The following LY96 variants were observed in gnomAD, a reference collection of about 807,000 sequenced individuals.
The protein encoded by LY96 is myeloid differentiation protein-2.
LY96 carries 18 observed loss-of-function variants against 18.9 expected under a neutral mutation model. The ratio of observed to expected loss-of-function variants is 0.95; its 90% CI spans 0.66 to 1.41. The LOEUF is 1.41. LY96 is among the 40% of genes most tolerant of loss of function. The probability of loss-of-function intolerance (pLI) is 0.00; values close to 1 mark genes in which losing one functional copy is unlikely to be tolerated. For missense variants in LY96, 175 were observed against 182.4 expected (o/e 0.96, Z 0.23); for synonymous variants, 66 against 62.6 (o/e 1.06, Z -0.26).
chr8:74,020,737 A>G (rs1294681681), intron 3 of LY96, among the ~76,000 whole-genome samples: 7 of 152,190 alleles, frequency 4.6e-5, no homozygotes, highest in African/African-American at 1.7e-4. Context: ...GACCAATGGA[A>G]TAGAACAGAG....
the LY96 span, among the ~76,000 whole-genome samples, chr8:74,073,261 G>A: frequency 6.6e-6 from 1 of 152,218 alleles, no homozygotes; most frequent in Non-Finnish European, 1.5e-5. Flanking sequence ...GGGGAAGGCA[G>A]AGCAGTTGCA....
chr8:74,045,526 C>T, the LY96 span, among the ~76,000 whole-genome samples: 1 of 152,192 alleles, frequency 6.6e-6, no homozygotes. Context: ...GGTATTATTA[C>T]TGTGTCAGTC....
chr8:74,067,186 C>T, the LY96 span, among the ~76,000 whole-genome samples: 25 of 152,292 alleles, frequency 1.6e-4, no homozygotes, highest in African/African-American at 6.0e-4. Flanking sequence ...ACAGCCCTCC[C>T]TTCTTAACTT....
the LY96 span, among the ~76,000 whole-genome samples, chr8:74,062,449 CG>C: frequency 6.6e-6 from 1 of 151,806 alleles, no homozygotes; most frequent in East Asian, 1.9e-4. Context: ...CCTGTGTCCA[CG>C]TGTTCTCAAT....
At chr8:73,996,385 CTTTCTTTCTTTCTTTCTTTCTTT>C (rs1816141450) in intron 1 of LY96, among the ~76,000 whole-genome samples, 15 of 41,288 alleles carry the variant, frequency 3.6e-4, no homozygotes, top group Non-Finnish European at 4.7e-4. Context: ...TTCTTTCTTT[CTTTCTTTCTTTCTTTCTTTCTTT>C]CTTTCTTTCT....
chr8:74,060,672 G>A, the LY96 span, among the ~76,000 whole-genome samples: 8 of 152,218 alleles, frequency 5.3e-5, no homozygotes, highest in African/African-American at 1.7e-4. Flanking sequence ...TCTTTGCTGT[G>A]CAAATCTAGA....
At chr8:74,042,813 T>C in the LY96 span, among the ~76,000 whole-genome samples, 2 of 151,658 alleles carry the variant, frequency 1.3e-5, no homozygotes, top group Non-Finnish European at 2.9e-5. Flanking sequence ...AGTCTTGCTC[T>C]CTTGCCAGGC....
chr8:74,065,285 A>G, the LY96 span, among the ~76,000 whole-genome samples: 11 of 152,324 alleles, frequency 7.2e-5, no homozygotes, highest in African/African-American at 2.6e-4. Flanking sequence ...AGACATTCTC[A>G]GGACCTTTTG....
the LY96 span, among the ~76,000 whole-genome samples, chr8:74,080,442 G>A: frequency 1.3e-5 from 2 of 152,292 alleles, no homozygotes; most frequent in East Asian, 3.9e-4. Context: ...GAGGTGCCAG[G>A]AATCAGGCTT....
Position 74,026,843 on chromosome 8 carries a change from T to C in LY96, c.384+2T>C. 6.8e-7 allele frequency: 1 copy of C among 1,461,306 alleles called. No individual in the cohort carries two copies. Among genetic ancestry groups the C allele is most frequent in the Non-Finnish European group, 9.6e-7 (1 of 1,042,234 alleles). 90.5% of individuals were successfully genotyped at this position (1,461,306 alleles called of 1,614,324 possible). ...TTCAAGGGAATAAAATTTTCTAAGG[T>C]ATTGTTCAAGATTTATTTTGTACTG... On this transcript the variant is annotated splice_donor_variant, in intron 4 of 4. Transcript: ENST00000284818. LOFTEE classifies it high-confidence loss of function.
At chr8:74,071,474 G>T in the LY96 span, among the ~76,000 whole-genome samples, 1 of 149,284 alleles carries the variant, frequency 6.7e-6, no homozygotes, top group East Asian at 1.9e-4. Flanking sequence ...AATGCCTTTT[G>T]TAATAAAAAA....
At position 74,008,007 on chromosome 8, in the gene LY96, G is replaced by A. The variant is rs184975428; in HGVS notation, c.203-1994G>A. 1.4e-4 allele frequency among the ~76,000 whole-genome samples: 22 copies of A among 152,274 alleles called. No individual in the cohort carries two copies. The East Asian group carries it at 3.9e-3, about 27-fold the overall frequency. On this transcript the variant is annotated intron_variant, in intron 2 of 4. Coordinates refer to ENST00000284818, the MANE Select transcript of LY96 (RefSeq NM_015364.5). The stretch of plus-strand genomic sequence containing the variant: ...ACTCCTGACCTCAGGAGATCTGCCC[G>A]CCTTGGCCTCTCAAAGTGCTAGGAT...
chr8:74,005,071 A>G (rs1816384640), intron 2 of LY96, among the ~76,000 whole-genome samples, 186 bp downstream of exon 2: 1 of 152,238 alleles, frequency 6.6e-6, no homozygotes, highest in South Asian at 2.1e-4. Flanking sequence ...TATTCTGGGC[A>G]TAGCTTACCT....
chr8:74,030,215 G>T (rs1330506524), downstream of LY96, among the ~76,000 whole-genome samples: 6 of 152,074 alleles, frequency 3.9e-5, no homozygotes, highest in African/African-American at 1.2e-4. Context: ...TGTTTACCAA[G>T]AATTTACATT....
At position 74,004,819 on chromosome 8, in the gene LY96, A is replaced by G. The variant is rs1358027228; in HGVS notation, c.136A>G (p.Ile46Val). Residue 46 changes from isoleucine to valine, a missense_variant, in exon 2 of 5, where the codon ATT becomes GTT. Coordinates refer to ENST00000284818, the MANE Select transcript of LY96 (RefSeq NM_015364.5). ...YCDKMQYPISINVNPCIELKR... is the reference protein window; with the variant it reads ...YCDKMQYPISVNVNPCIELKR... ...AGATAAAATGCAATACCCAATTTCA[A>G]TTAATGTTAACCCCTGTATAGAATT... 26 of 1,578,518 alleles carry G rather than the reference A, an allele frequency of 1.6e-5. 1 individual carries two copies. In the Middle Eastern group the frequency reaches 5.0e-4, roughly 31 times the overall value.
At position 73,999,830 on chromosome 8, in the gene LY96, T is replaced by C. The variant is rs1586647229; in HGVS notation, c.113-4966T>C. ...CACCATGTCCAGCCAGCTCTAACAATTTTTAATGAAGTCTTTAGGGATTTC... is the reference window on the plus strand; with the variant it reads ...CACCATGTCCAGCCAGCTCTAACAACTTTTAATGAAGTCTTTAGGGATTTC... On this transcript the variant is annotated intron_variant, in intron 1 of 4. Transcript: ENST00000284818. Among the ~76,000 whole-genome samples the C allele has an allele frequency of 2.0e-5, 3 of 152,348 alleles. No individual in the cohort carries two copies. The South Asian group carries it at 6.2e-4, about 32-fold the overall frequency.
At chr8:73,991,582 G>T in intron 1 of LY96, 28 bp downstream of exon 1, 1 of 1,303,372 alleles carries the variant, frequency 7.7e-7, no homozygotes, top group Non-Finnish European at 1.1e-6. Context: ...ACAAATAATT[G>T]TAGCATCAAC....
intron 2 of LY96, among the ~76,000 whole-genome samples, chr8:74,007,118 A>G (rs1483446515): frequency 6.6e-6 from 1 of 152,258 alleles, no homozygotes; most frequent in African/African-American, 2.4e-5. Context: ...GAAGCCCCAG[A>G]GCAGAATGCC....
chr8:74,015,600 G>A (rs1426468686), intron 3 of LY96, among the ~76,000 whole-genome samples: 1 of 152,210 alleles, frequency 6.6e-6, no homozygotes, highest in Non-Finnish European at 1.5e-5. Context: ...CAAAGATCCT[G>A]TTTCTAAATA....
Sources: allele counts gnomAD v4.1 joint callset (sites outside exome capture counted in the v4.1 genomes callset), GRCh38; gene constraint gnomAD v4.1.1; transcripts MANE v1.5; gene names NCBI Gene and HGNC (gene_info 2026-07-23, HGNC 2026-07-21).